ZNF92: variants seen among roughly 807,000 people sequenced by gnomAD.
ZNF92 encodes the protein zinc finger protein 92.
In ZNF92, 11 loss-of-function variants were observed where a neutral mutation model predicts 12.4. That is an observed-to-expected ratio of 0.89 (90% CI 0.56 to 1.47). The LOEUF is 1.47. Ranked by LOEUF, ZNF92 falls within the 40% of genes most tolerant of loss-of-function variation. The pLI is 0.00. For synonymous variants in ZNF92, 206 were observed against 228.6 expected, an observed-to-expected ratio of 0.90 and a Z score of 0.89; for missense variants, 622 against 681.0, an observed-to-expected ratio of 0.91 and a Z score of 0.96.
Position 65,382,847 on chromosome 7 carries a change from A to ATG in ZNF92, c.4-5054_4-5053dup, listed in dbSNP as rs1242778945. On this transcript the variant is annotated intron_variant, in intron 1 of 3. Coordinates refer to ENST00000328747, the MANE Select transcript of ZNF92 (RefSeq NM_152626.4). The stretch of plus-strand genomic sequence containing the variant: ...TTGCAGTAAACCTTTTATCTGAGAA[A>ATG]TGCAAATCCTTTTAGTTATAAGGCT... Among the ~76,000 whole-genome samples, 14 of 152,252 alleles carry ATG rather than the reference A, an allele frequency of 9.2e-5. 1 individual carries two copies. The highest frequency in any genetic ancestry group is 7.9e-4 in the Admixed American group (12 of 15,282).
At chr7:65,375,588 G>T (rs1411109238) in intron 1 of ZNF92, among the ~76,000 whole-genome samples, 1 of 151,572 alleles carries the variant, frequency 6.6e-6, no homozygotes, top group African/African-American at 2.4e-5. Flanking sequence ...GATTCTCTAA[G>T]ATTTGTGGAA....
At chr7:65,389,442 A>G (rs1348835267) in intron 3 of ZNF92, among the ~76,000 whole-genome samples, 1 of 152,160 alleles carries the variant, frequency 6.6e-6, no homozygotes, top group Non-Finnish European at 1.5e-5. Context: ...AAGAGACTGC[A>G]CAATCTGACT....
rs1389989391 is a variant in ZNF92 at position 65,400,857 on chromosome 7, CATT to C, written c.*986_*988del. ...TGAGAGATTCTTTTTTATAGGTGGGCATTATTTATGCCCCTTTCTGTGGAAGAG... is the reference window on the plus strand; with the variant it reads ...TGAGAGATTCTTTTTTATAGGTGGGCATTTATGCCCCTTTCTGTGGAAGAG... On this transcript the variant is annotated 3_prime_UTR_variant, in exon 4 of 4. Transcript: ENST00000328747. 1 of 151,718 alleles carries C rather than the reference CATT, an allele frequency of 6.6e-6. No homozygotes were observed. The highest frequency in any genetic ancestry group is 1.5e-5 in the Non-Finnish European group (1 of 67,840). The allele number at this position is 151,718 out of a possible 1,614,324, so 9.4% of individuals were successfully genotyped here. A position where few individuals can be genotyped will look rare whatever the true frequency, so the allele number is the denominator to read the frequency against.
In ZNF92 at chr7:65,400,651, AAGAAGT is replaced by A. The variant is rs1478585679; in HGVS notation, c.*782_*787del. ...GTAAGTTATTTATATATAACTTTAA[AAGAAGT>A]AGAAGATTTTTTGGAGATTTATAAT... is the stretch of plus-strand genomic sequence containing the variant. On this transcript the variant is annotated 3_prime_UTR_variant, in exon 4 of 4. Coordinates refer to ENST00000328747, the MANE Select transcript of ZNF92 (RefSeq NM_152626.4). 3 of 152,050 alleles carry A rather than the reference AAGAAGT, an allele frequency of 2.0e-5. No homozygotes were observed. The highest frequency in any genetic ancestry group is 2.0e-4 in the Admixed American group (3 of 15,270). 9.4% of individuals were successfully genotyped at this position (152,050 alleles called of 1,614,324 possible). A position where few individuals can be genotyped will look rare whatever the true frequency, so the allele number is the denominator to read the frequency against.
intron 1 of ZNF92, among the ~76,000 whole-genome samples, chr7:65,383,886 A>T (rs1030776087): frequency 6.6e-6 from 1 of 152,082 alleles, no homozygotes; most frequent in Non-Finnish European, 1.5e-5. Context: ...TCACCTAGGC[A>T]TCTTTGAAAC....
rs1793971398 is a variant in ZNF92, at chr7:65,400,049, T to G, written c.*174T>G. ...CCAAGTATGAAGAATGTGGCAAACT[T>G]TTAACCAATCCTCACACCTTATTGC... On this transcript the variant is annotated 3_prime_UTR_variant, in exon 4 of 4. Transcript: ENST00000328747. The G allele has an allele frequency of 1.5e-5, 9 of 588,522 alleles. No homozygotes were observed. The East Asian group carries it at 2.6e-4, about 17-fold the overall frequency. 36.5% of individuals were successfully genotyped at this position (588,522 alleles called of 1,614,324 possible). A position where few individuals can be genotyped will look rare whatever the true frequency, so the allele number is the denominator to read the frequency against.
Position 65,388,919 on chromosome 7 carries a change from C to G in ZNF92, c.226+18C>G. On this transcript the variant is annotated intron_variant, in intron 3 of 3. Transcript: ENST00000328747. ...AACCCCAGGTAGGTGACAGTTAATA[C>G]AACAGACAACACAAATGAGAGGTCC... The G allele has an allele frequency of 6.4e-7, 1 of 1,551,288 alleles. No homozygotes were observed. Among genetic ancestry groups the G allele is most frequent in the Non-Finnish European group, 8.8e-7 (1 of 1,141,238 alleles).
At chr7:65,378,557 A>G (rs1584273861) in intron 1 of ZNF92, among the ~76,000 whole-genome samples, 1 of 151,718 alleles carries the variant, frequency 6.6e-6, no homozygotes, top group Non-Finnish European at 1.5e-5. Context: ...CCTGGCTAAC[A>G]TGGTGATACT....
chr7:65,398,176 C>A (rs956124317), intron 3 of ZNF92, among the ~76,000 whole-genome samples, 165 bp from the exon 4 acceptor site: 1 of 152,028 alleles, frequency 6.6e-6, no homozygotes, highest in Non-Finnish European at 1.5e-5. Flanking sequence ...GTATTTTGGT[C>A]AGTATATTTT....
chr7:65,387,185 G>A lies in ZNF92; in HGVS notation c.4-717G>A, dbSNP rs1321199941. 2.0e-5 allele frequency among the ~76,000 whole-genome samples: 3 copies of A among 151,562 alleles called. 1 individual carries two copies. The highest frequency in any genetic ancestry group is 2.9e-5 in the Non-Finnish European group (2 of 67,926). On this transcript the variant is annotated intron_variant, in intron 1 of 3. Transcript: ENST00000328747. ...CTGAACTCCTGACCTCAGGTGATCC[G>A]CCCACCGCAGCCTCCCAAACTGCTG...
chr7:65,374,047 T>C (rs1198284690), intron 1 of ZNF92, 47 bp downstream of exon 1: 1 of 1,613,308 alleles, frequency 6.2e-7, no homozygotes, highest in African/African-American at 1.3e-5. Flanking sequence ...AGGGTCTGGC[T>C]GGAACCGATT....
chr7:65,388,657 A>G (rs1406918966), intron 2 of ZNF92, 149 bp from the exon 3 acceptor site: 2 of 624,166 alleles, frequency 3.2e-6, no homozygotes, highest in Admixed American at 4.0e-5. Context: ...AAATCTACAA[A>G]TTTAAAATAT....
At chr7:65,375,425 C>G (rs975503794) in intron 1 of ZNF92, among the ~76,000 whole-genome samples, 1 of 152,068 alleles carries the variant, frequency 6.6e-6, no homozygotes, top group African/African-American at 2.4e-5. Context: ...TGAGAAGCAT[C>G]TCCTGGGCTA....
chr7:65,398,721 T>C lies in ZNF92; in HGVS notation c.607T>C (p.Cys203Arg). 6.2e-7 allele frequency: 1 copy of C among 1,612,330 alleles called. No homozygotes were observed. The highest frequency in any genetic ancestry group is 8.5e-7 in the Non-Finnish European group (1 of 1,179,488). ...KIHTREYSYK[C>R]EECGKAFNWS... is the part of the protein sequence containing the mutation. ...TCATACTAGAGAGTATTCTTACAAA[T>C]GTGAAGAATGTGGTAAAGCCTTTAA... Residue 203 changes from cysteine to arginine, a missense_variant, in exon 4 of 4, where the codon TGT becomes CGT. Coordinates refer to ENST00000328747, the MANE Select transcript of ZNF92 (RefSeq NM_152626.4).
intron 3 of ZNF92, among the ~76,000 whole-genome samples, chr7:65,394,920 G>A (rs9638443): frequency 0.28 from 42,268 of 152,016 alleles, 7,717 homozygotes; most frequent in African/African-American, 0.49. Flanking sequence ...TGCTGGGATT[G>A]CAGGCATGAG....
rs1377147690 is a variant in ZNF92, at chr7:65,388,853, A to C, written c.178A>C (p.Lys60Gln). 6.3e-7 allele frequency: 1 copy of C among 1,586,716 alleles called. No individual in the cohort carries two copies. Among genetic ancestry groups the C allele is most frequent in the Non-Finnish European group, 8.6e-7 (1 of 1,163,912 alleles). Reference sequence around the variant, plus strand: ...CCTGATCACCTGGCTGGAGCAAGGAAAAGAGCCCTGGAATCTGAAGAGACA... The same window carrying C: ...CCTGATCACCTGGCTGGAGCAAGGACAAGAGCCCTGGAATCTGAAGAGACA... ...PDLITWLEQG[K>Q]EPWNLKRHEM... is the part of the protein sequence containing the mutation. Residue 60 changes from lysine to glutamine, a missense_variant, in exon 3 of 4, where the codon AAA becomes CAA. Physicochemically the swap from Lys to Gln is moderately conservative, Grantham distance 53 (BLOSUM62 1). Transcript: ENST00000328747.
At chr7:65,375,204 C>T (rs1226907566) in intron 1 of ZNF92, among the ~76,000 whole-genome samples, 3 of 152,018 alleles carry the variant, frequency 2.0e-5, no homozygotes, top group African/African-American at 7.2e-5. Context: ...TGGTTGCTTT[C>T]CCTTTGGAAA....
chr7:65,377,220 T>A (rs1562787946), intron 1 of ZNF92, among the ~76,000 whole-genome samples: 1 of 152,148 alleles, frequency 6.6e-6, no homozygotes. Context: ...ACCAAGAGAA[T>A]GACTCTAACA....
intron 1 of ZNF92, among the ~76,000 whole-genome samples, chr7:65,378,131 C>G (rs552887361): frequency 6.6e-6 from 1 of 151,680 alleles, no homozygotes; most frequent in Admixed American, 6.6e-5. Context: ...GTGGGCGGAT[C>G]TACTAAAAGT....
Sources: gnomAD v4.1 joint callset for allele counts (sites outside exome capture counted in the v4.1 genomes callset) on GRCh38, gnomAD v4.1.1 for gene constraint, MANE v1.5 for transcripts, NCBI Gene and HGNC (gene_info 2026-07-23, HGNC 2026-07-21) for gene names.